The following ALG1 variants were observed in gnomAD, a reference collection of about 807,000 sequenced individuals.
ALG1 encodes chitobiosyldiphosphodolichol beta-mannosyltransferase.
ALG1 carries 58 observed loss-of-function variants against 55.1 expected under a neutral mutation model. The ratio of observed to expected loss-of-function variants is 1.05; its 90% CI spans 0.85 to 1.31. The LOEUF is 1.31. Among genes scored for constraint, ALG1 ranks in the 50% most tolerant of loss-of-function variants. ALG1 has a pLI of 0.00. For synonymous variants in ALG1, 309 were observed against 247.0 expected (o/e 1.25, Z -2.35); for missense variants, 761 against 598.6 (o/e 1.27, Z -2.83).
intron 2 of ALG1, 28 bp downstream of exon 2, chr16:5,073,056 C>T (rs1191939078): frequency 3.7e-6 from 6 of 1,613,046 alleles, no homozygotes; most frequent in Non-Finnish European, 5.1e-6. Flanking sequence ...CCAGAATCCT[C>T]TGAATCCATG....
rs1596267039 is a variant in ALG1, at chr16:5,085,878, G to C, written c.*997G>C. The C allele has an allele frequency of 1.4e-6, 1 of 706,866 alleles. No homozygotes were observed. Among genetic ancestry groups the C allele is most frequent in the South Asian group, 1.5e-5 (1 of 66,558 alleles). 43.8% of individuals were successfully genotyped at this position (706,866 alleles called of 1,614,324 possible). A position where few individuals can be genotyped will look rare whatever the true frequency, so the allele number is the denominator to read the frequency against. ...GTTCACAGGTTCCCAGGCCCACCCA[G>C]GTGCCTAGAATTGGCCTCCAGGATG... On this transcript the variant is annotated 3_prime_UTR_variant, in exon 13 of 13. Coordinates refer to ENST00000262374, the MANE Select transcript of ALG1 (RefSeq NM_019109.5).
chr16:5,072,094 TCA>T (rs1442247411), intron 1 of ALG1, 37 bp downstream of exon 1: 2 of 1,552,104 alleles, frequency 1.3e-6, no homozygotes, highest in Admixed American at 3.9e-5. Context: ...CGATGCTCTC[TCA>T]GCCGTTGATC....
At chr16:5,076,855 C>T (rs1056781653) in intron 4 of ALG1, among the ~76,000 whole-genome samples, 5 of 143,962 alleles carry the variant, frequency 3.5e-5, no homozygotes, top group East Asian at 2.1e-4. Flanking sequence ...AGTGCAATGG[C>T]GCCATCTCGG....
At chr16:5,084,684 A>C in intron 12 of ALG1, 66 bp from the exon 13 acceptor site, 5 of 1,595,404 alleles carry the variant, frequency 3.1e-6, no homozygotes, top group Non-Finnish European at 4.2e-6. Context: ...GGGGTCAGCC[A>C]GGTGGTGACC....
At chr16:5,077,245 A>T (rs1956929257) in intron 4 of ALG1, among the ~76,000 whole-genome samples, 200 bp from the exon 5 acceptor site, 1 of 151,944 alleles carries the variant, frequency 6.6e-6, no homozygotes. Context: ...TTTTAAAGTG[A>T]TTGTATTTAA....
Position 5,079,254 on chromosome 16 carries a change from C to A in ALG1, c.901+152C>A, listed in dbSNP as rs1596258000. On this transcript the variant is annotated intron_variant, in intron 8 of 12. Transcript: ENST00000262374. ...GTGGTGGAAGTGGGCCGCCCTGAATCCCCAGTTGGGTCATTGAGTGACCAG... is the reference window on the plus strand; with the variant it reads ...GTGGTGGAAGTGGGCCGCCCTGAATACCCAGTTGGGTCATTGAGTGACCAG... 4.9e-6 allele frequency: 5 copies of A among 1,019,042 alleles called. 1 individual carries two copies. In the East Asian group the frequency reaches 1.3e-4, roughly 26 times the overall value. 63.1% of individuals were successfully genotyped at this position (1,019,042 alleles called of 1,614,324 possible).
At chr16:5,079,492 C>T (rs1430417946) in intron 8 of ALG1, among the ~76,000 whole-genome samples, 2 of 152,174 alleles carry the variant, frequency 1.3e-5, no homozygotes, top group African/African-American at 4.8e-5. Context: ...GAGTTCGAGA[C>T]CAACCTGGCC....
chr16:5,075,616 C>T (rs1956898226), intron 4 of ALG1, 80 bp downstream of exon 4: 5 of 1,569,650 alleles, frequency 3.2e-6, no homozygotes, highest in Non-Finnish European at 4.3e-6. Context: ...TAGTGGGCCT[C>T]CGGAAGTCGG....
At chr16:5,073,054 C>G in intron 2 of ALG1, 26 bp downstream of exon 2, 1 of 1,613,338 alleles carries the variant, frequency 6.2e-7, no homozygotes, top group Non-Finnish European at 8.5e-7. Context: ...CTCCAGAATC[C>G]TCTGAATCCA....
chr16:5,084,580 A>T, intron 12 of ALG1, 170 bp from the exon 13 acceptor site: 2 of 1,054,880 alleles, frequency 1.9e-6, no homozygotes, highest in Non-Finnish European at 2.8e-6. Context: ...TGTGATGTCA[A>T]GTTGGAGGCG....
intron 1 of ALG1, 50 bp downstream of exon 1, chr16:5,072,107 C>T (rs1175622422): frequency 1.9e-6 from 3 of 1,550,742 alleles, no homozygotes. Flanking sequence ...GCCGTTGATC[C>T]TCGGTTCTAA....
chr16:5,084,424 C>A (rs1235564638), intron 12 of ALG1: 3 of 518,510 alleles, frequency 5.8e-6, no homozygotes, highest in Admixed American at 3.2e-5. Flanking sequence ...CCGACACCCC[C>A]TTGTTACCCA....
Position 5,075,585 on chromosome 16 carries a change from G to T in ALG1, c.539+49G>T, listed in dbSNP as rs1324994298. On this transcript the variant is annotated intron_variant, in intron 4 of 12. Transcript: ENST00000262374. The stretch of plus-strand genomic sequence containing the variant: ...AATACCGTCCCCTAAACCACTCAAG[G>T]ATGAGTGAGAAGAAGGGCCATAGTG... 1.9e-6 allele frequency: 3 copies of T among 1,609,036 alleles called. No individual in the cohort carries two copies. The South Asian group carries it at 3.3e-5, about 18-fold the overall frequency.
chr16:5,081,903 TCA>T (rs1188802878), intron 10 of ALG1, among the ~76,000 whole-genome samples: 1 of 152,098 alleles, frequency 6.6e-6, no homozygotes, highest in Non-Finnish European at 1.5e-5. Flanking sequence ...GGCTTTATTT[TCA>T]CAGTGACAGC....
chr16:5,075,635 G>C, intron 4 of ALG1, 99 bp downstream of exon 4: 2 of 1,452,064 alleles, frequency 1.4e-6, no homozygotes, highest in Non-Finnish European at 1.9e-6. Context: ...GGTTCCTTGT[G>C]GGCTCTGCAG....
intron 3 of ALG1, 85 bp downstream of exon 3, chr16:5,073,341 A>G (rs999416948): frequency 4.1e-5 from 50 of 1,228,432 alleles, no homozygotes; most frequent in Admixed American, 9.3e-5. Flanking sequence ...TTGCATATTC[A>G]TATGTGTGTG....
chr16:5,084,918 T>C lies in ALG1; in HGVS notation c.*37T>C. 6.3e-7 allele frequency: 1 copy of C among 1,596,416 alleles called. No homozygotes were observed. The highest frequency in any genetic ancestry group is 8.5e-7 in the Non-Finnish European group (1 of 1,179,748). On this transcript the variant is annotated 3_prime_UTR_variant, in exon 13 of 13. Coordinates refer to ENST00000262374, the MANE Select transcript of ALG1 (RefSeq NM_019109.5). ...GAGGCTAAAACCCCAGGACCCCTGC[T>C]GTCCTTCCCGCAGCTTCTTCTTGGA...
chr16:5,072,235 G>C, intron 1 of ALG1, 178 bp downstream of exon 1: 2 of 1,508,888 alleles, frequency 1.3e-6, no homozygotes, highest in East Asian at 4.9e-5. Context: ...GGTATAGCCG[G>C]CGTTAATCTT....
At chr16:5,078,477 T>A in intron 6 of ALG1, 2 of 663,860 alleles carry the variant, frequency 3.0e-6, no homozygotes, top group South Asian at 3.1e-5. Context: ...TGGGAGGGCG[T>A]CCCTGCACCC....
Sources: gnomAD v4.1 joint callset for allele counts (sites outside exome capture counted in the v4.1 genomes callset) on GRCh38, gnomAD v4.1.1 for gene constraint, MANE v1.5 for transcripts, NCBI Gene and HGNC (gene_info 2026-07-23, HGNC 2026-07-21) for gene names.